The following VNN1 variants were observed in gnomAD, a reference collection of about 807,000 sequenced individuals.
VNN1 encodes the protein pantetheinase.
Under a neutral mutation model 41.9 loss-of-function variants are expected in VNN1, and 29 were observed. The observed-to-expected ratio is 0.69, with a 90% CI of 0.52 to 0.94. The LOEUF (loss-of-function observed/expected upper bound fraction) is 0.94. Among genes scored for constraint, VNN1 ranks in the 40% least tolerant of loss-of-function variants. The probability of loss-of-function intolerance (pLI) is 0.00; values close to 1 mark genes in which losing one functional copy is unlikely to be tolerated. For missense variants in VNN1, 637 were observed against 621.1 expected, an observed-to-expected ratio of 1.03 and a Z score of -0.27; for synonymous variants, 233 against 224.4, an observed-to-expected ratio of 1.04 and a Z score of -0.34.
At position 132,693,339 on chromosome 6, in the gene VNN1, GA is replaced by G. The variant is rs759815768; in HGVS notation, c.535-25del. On this transcript the variant is annotated intron_variant, in intron 3 of 6. Transcript: ENST00000367928. The stretch of plus-strand genomic sequence containing the variant: ...TGCTGCAATAAACAGAAGATAAAGA[GA>G]AAAAAATTATTTTAGGAAGTTGATC... 3.8e-5 allele frequency: 59 copies of G among 1,555,686 alleles called. 2 individuals carry two copies. In the South Asian group the frequency reaches 6.8e-4, roughly 18 times the overall value.
intron 1 of VNN1, 25 bp from the exon 2 acceptor site, chr6:132,711,864 A>G (rs1048699970): frequency 1.9e-6 from 3 of 1,610,696 alleles, no homozygotes; most frequent in Non-Finnish European, 2.5e-6. Flanking sequence ...ACTTAATCCA[A>G]AGGGGGGCCT....
chr6:132,691,349 G>C (rs1778281422), intron 5 of VNN1, among the ~76,000 whole-genome samples: 1 of 152,036 alleles, frequency 6.6e-6, no homozygotes, highest in African/African-American at 2.4e-5. Context: ...GATAAGATGG[G>C]GGCCAGACCA....
chr6:132,711,995 A>T (rs1778607475), intron 1 of VNN1, among the ~76,000 whole-genome samples, 156 bp from the exon 2 acceptor site: 1 of 150,922 alleles, frequency 6.6e-6, no homozygotes, highest in Non-Finnish European at 1.5e-5. Flanking sequence ...AAGCATTTTA[A>T]TTTCCTTTTT....
At chr6:132,709,674 A>G (rs1043844722) in intron 2 of VNN1, among the ~76,000 whole-genome samples, 20 of 104,904 alleles carry the variant, frequency 1.9e-4, no homozygotes, top group African/African-American at 6.0e-4. Context: ...AAAAAAAAAA[A>G]AGAGAGAGAG....
At chr6:132,697,041 C>A (rs1002261483) in intron 2 of VNN1, among the ~76,000 whole-genome samples, 3 of 151,890 alleles carry the variant, frequency 2.0e-5, no homozygotes, top group Non-Finnish European at 2.9e-5. Flanking sequence ...GGAGGTGGAG[C>A]TTGCAGTGAG....
intron 6 of VNN1, 133 bp downstream of exon 6, chr6:132,684,202 C>T: frequency 1.1e-6 from 1 of 903,158 alleles, no homozygotes. Context: ...CAATGTCCTT[C>T]ATGATCCCCA....
Position 132,684,500 on chromosome 6 carries a change from A to G in VNN1, c.1194T>C (p.Cys398=), listed in dbSNP as rs1182278912. ...TVEGRYYLQI[C]TLLKCKTTNL... ...TAGTCGTTTTACATTTCAACAGGGT[A>G]CAAATCTAGGGAAGTCATGAAAACC... The change falls in exon 6 of 7, where the codon TGT becomes TGC. Residue 398 remains cysteine (C), a synonymous_variant. Coordinates refer to ENST00000367928, the MANE Select transcript of VNN1 (RefSeq NM_004666.3). The G allele has an allele frequency of 1.9e-6, 3 of 1,613,888 alleles. No homozygotes were observed. The highest frequency in any genetic ancestry group is 8.5e-7 in the Non-Finnish European group (1 of 1,179,894).
At chr6:132,684,124 AT>A (rs1334954997) in intron 6 of VNN1, among the ~76,000 whole-genome samples, 1 of 151,976 alleles carries the variant, frequency 6.6e-6, no homozygotes, top group African/African-American at 2.4e-5. Flanking sequence ...TAAGATATAT[AT>A]TTTTTTATTC....
At chr6:132,706,810 G>GA (rs555328115) in intron 2 of VNN1, among the ~76,000 whole-genome samples, 4 of 149,234 alleles carry the variant, frequency 2.7e-5, no homozygotes, top group South Asian at 2.2e-4. Flanking sequence ...AACTCTATAG[G>GA]AAAAAAAATC....
chr6:132,704,138 T>C (rs368106895), intron 2 of VNN1, among the ~76,000 whole-genome samples: 29 of 152,162 alleles, frequency 1.9e-4, no homozygotes, highest in Middle Eastern at 3.4e-3. Context: ...ACTTTCAGCA[T>C]TGGACAGATC....
At chr6:132,688,154 A>G (rs1351126007) in intron 5 of VNN1, among the ~76,000 whole-genome samples, 1 of 152,110 alleles carries the variant, frequency 6.6e-6, no homozygotes, top group Non-Finnish European at 1.5e-5. Flanking sequence ...CAAAAATCCA[A>G]AATCTTCTGA....
At chr6:132,692,710 C>A in intron 4 of VNN1, 126 bp from the exon 5 acceptor site, 2 of 1,276,104 alleles carry the variant, frequency 1.6e-6, no homozygotes, top group South Asian at 1.8e-5. Flanking sequence ...TTATTAATTT[C>A]AGTAAAACAT....
At chr6:132,689,440 T>C (rs113370859) in intron 5 of VNN1, among the ~76,000 whole-genome samples, 1,723 of 152,246 alleles carry the variant, frequency 0.011, 40 homozygotes, top group African/African-American at 0.039. Context: ...CATCATCCTA[T>C]CATTATGAGC....
chr6:132,685,782 A>C (rs888736858), intron 5 of VNN1, among the ~76,000 whole-genome samples: 5 of 152,226 alleles, frequency 3.3e-5, no homozygotes, highest in Non-Finnish European at 7.3e-5. Context: ...TTGGATACTA[A>C]GTCCTCCAAA....
Position 132,713,836 on chromosome 6 carries a change from G to A in VNN1, c.200C>T (p.Ala67Val). 1 of 1,612,834 alleles carries A rather than the reference G, an allele frequency of 6.2e-7. No individual in the cohort carries two copies. Among genetic ancestry groups the A allele is most frequent in the African/African-American group, 1.3e-5 (1 of 74,988 alleles). The change falls in exon 1 of 7, where the codon GCA (alanine) becomes GTA (valine). Residue 67 changes from alanine (A) to valine (V), a missense_variant. Physicochemically the swap from Ala to Val is moderately conservative, Grantham distance 64. Coordinates refer to ENST00000367928, the MANE Select transcript of VNN1 (RefSeq NM_004666.3). ...TGGTAGAGATGGTACCTGATCTGCT[G>A]CTGATGTGATCGCTCCTTCCAAAAT... is the stretch of plus-strand genomic sequence containing the variant. ...LDILEGAITS[A>V]ADQGAHIIVT... is the part of the protein sequence containing the mutation.
chr6:132,712,139 A>ATTT (rs140079711), intron 1 of VNN1, among the ~76,000 whole-genome samples: 1 of 134,414 alleles, frequency 7.4e-6, no homozygotes. Context: ...CTAGTCAAGC[A>ATTT]TTTTTTTTTC....
At chr6:132,712,557 G>C (rs1223515927) in intron 1 of VNN1, among the ~76,000 whole-genome samples, 1 of 152,096 alleles carries the variant, frequency 6.6e-6, no homozygotes, top group African/African-American at 2.4e-5. Context: ...AACTTTCGCT[G>C]ATGACTGTGC....
At chr6:132,694,299 A>T in intron 2 of VNN1, 117 bp from the exon 3 acceptor site, 2 of 1,023,546 alleles carry the variant, frequency 2.0e-6, no homozygotes, top group Non-Finnish European at 2.7e-6. Flanking sequence ...TAAATTCTAA[A>T]TAACAATAAT....
chr6:132,686,340 C>A (rs545140356), intron 5 of VNN1, among the ~76,000 whole-genome samples: 1 of 151,950 alleles, frequency 6.6e-6, no homozygotes, highest in African/African-American at 2.4e-5. Flanking sequence ...CCCAGCTACT[C>A]GGGAGGCTGA....
Sources: gnomAD v4.1 joint callset for allele counts (sites outside exome capture counted in the v4.1 genomes callset) on GRCh38, gnomAD v4.1.1 for gene constraint, MANE v1.5 for transcripts, NCBI Gene and HGNC (gene_info 2026-07-23, HGNC 2026-07-21) for gene names.